The following NVL variants were observed in gnomAD, a reference collection of about 807,000 sequenced individuals.
The protein encoded by NVL is nuclear VCP like.
Under a neutral mutation model 110.2 loss-of-function variants are expected in NVL, and 84 were observed. That is an observed-to-expected ratio of 0.76 (90% CI 0.64 to 0.91). NVL has a LOEUF of 0.91. Ranked by LOEUF, NVL falls within the 40% of genes least tolerant of loss-of-function variation. The pLI is 0.00. For synonymous variants in NVL, 354 were observed against 361.1 expected, an observed-to-expected ratio of 0.98 and a Z score of 0.22; for missense variants, 882 against 1,035.9, an observed-to-expected ratio of 0.85 and a Z score of 2.04.
At chr1:224,246,015 C>A (rs1465562533) in intron 19 of NVL, among the ~76,000 whole-genome samples, 1 of 151,934 alleles carries the variant, frequency 6.6e-6, no homozygotes, top group Non-Finnish European at 1.5e-5. Flanking sequence ...TGTTACCCAC[C>A]CCATTTATGC....
intron 15 of NVL, among the ~76,000 whole-genome samples, chr1:224,283,119 T>C (rs1326274701): frequency 6.6e-6 from 1 of 152,162 alleles, no homozygotes; most frequent in African/African-American, 2.4e-5. Flanking sequence ...CCTGGGCTCA[T>C]AGATTCAGTG....
chr1:224,248,926 C>A (rs2102752413), intron 19 of NVL, among the ~76,000 whole-genome samples: 1 of 152,332 alleles, frequency 6.6e-6, no homozygotes, highest in Non-Finnish European at 1.5e-5. Flanking sequence ...GGGAGTGGGA[C>A]AGCTCCCATG....
intron 8 of NVL, 68 bp downstream of exon 8, chr1:224,304,668 G>C (rs895749546): frequency 2.1e-5 from 28 of 1,323,428 alleles, no homozygotes; most frequent in Middle Eastern, 2.0e-4. Context: ...AAACAAAGAG[G>C]TAGGCTTTTT....
At chr1:224,251,599 C>T (rs886495805) in intron 18 of NVL, among the ~76,000 whole-genome samples, 15 of 152,172 alleles carry the variant, frequency 9.9e-5, no homozygotes, top group African/African-American at 3.1e-4. Flanking sequence ...GAGATCGTGC[C>T]ACTGCACTCC....
chr1:224,320,212 A>T (rs1670504927), intron 2 of NVL, among the ~76,000 whole-genome samples: 1 of 152,220 alleles, frequency 6.6e-6, no homozygotes, highest in Non-Finnish European at 1.5e-5. Flanking sequence ...AATCAAGATT[A>T]CATTTTCTGG....
rs780994203 is a variant in NVL at position 224,308,142 on chromosome 1, G to T, written c.464C>A (p.Ser155Tyr). Residue 155 changes from serine to tyrosine, a missense_variant, in exon 6 of 23, where the codon TCC (serine) becomes TAC (tyrosine). Around this residue, in one of 4 missense-constraint regions of NVL, gnomAD observed 274 missense variants for 268.4 expected, o/e 1.02. Transcript: ENST00000281701. The part of the protein sequence containing the change: ...ETTSSTPRIS[S>Y]KTGSIPLKTP... ...CTTCAAGGGAATGGAGCCTGTTTTG[G>T]AACTTATCCGTGGTGTTGAAGAGGT... 6.2e-7 allele frequency: 1 copy of T among 1,614,076 alleles called. No individual in the cohort carries two copies. Among genetic ancestry groups the T allele is most frequent in the South Asian group, 1.1e-5 (1 of 91,074 alleles).
chr1:224,228,129 A>G (rs1553301184), intron 22 of NVL: 1 of 152,118 alleles, frequency 6.6e-6, no homozygotes, highest in Non-Finnish European at 1.5e-5. Context: ...CTGCATCTAA[A>G]TCCTAATCTA....
At chr1:224,252,941 G>C (rs1307182374) in intron 18 of NVL, among the ~76,000 whole-genome samples, 1 of 152,176 alleles carries the variant, frequency 6.6e-6, no homozygotes, top group Non-Finnish European at 1.5e-5. Flanking sequence ...TTTTATGTAA[G>C]TGGAATTATA....
rs1274084265 is a variant in NVL, at chr1:224,304,795, C to T, written c.766G>A (p.Glu256Lys). The change falls in exon 8 of 23, where the codon GAA (glutamate) becomes AAA (lysine). Residue 256 changes from glutamate (E) to lysine (K), a missense_variant. Transcript: ENST00000281701. ...AACTTCACGTTGGAGATCTGGAATTCTAACCCCCTGGCTTTAGCTGGTAAA... is the reference window on the plus strand; with the variant it reads ...AACTTCACGTTGGAGATCTGGAATTTTAACCCCCTGGCTTTAGCTGGTAAA... ...LQKKAKARGL[E>K]FQISNVKFED... is the part of the protein sequence containing the mutation. 2 of 1,614,058 alleles carry T rather than the reference C, an allele frequency of 1.2e-6. No homozygotes were observed. The highest frequency in any genetic ancestry group is 2.2e-5 in the South Asian group (2 of 91,076).
At chr1:224,322,878 A>C (rs1166874151) in intron 2 of NVL, among the ~76,000 whole-genome samples, 2 of 151,946 alleles carry the variant, frequency 1.3e-5, no homozygotes, top group Non-Finnish European at 2.9e-5. Flanking sequence ...CGCTTGAACC[A>C]GGGAGGCAGA....
rs758058823 is a variant in NVL at position 224,303,824 on chromosome 1, G to T, written c.859C>A (p.Pro287Thr). ...ACGCCCAGGTGGTGGTACACCTCCG[G>T]GTGACGCATGTGTATGAGCATCTTG... Reference protein sequence around the residue: ...VCKMLIHMRHPEVYHHLGVVP... With the variant: ...VCKMLIHMRHTEVYHHLGVVP... The change falls in exon 9 of 23, where the codon CCG (proline) becomes ACG (threonine). Residue 287 changes from proline (P) to threonine (T), a missense_variant. By Grantham distance (38) the Pro-to-Thr change is conservative. Around this residue, in one of 4 missense-constraint regions of NVL, gnomAD observed 416 missense variants for 499.3 expected, o/e 0.83. Coordinates refer to ENST00000281701, the MANE Select transcript of NVL (RefSeq NM_002533.4). The T allele has an allele frequency of 7.4e-6, 12 of 1,613,662 alleles. No individual in the cohort carries two copies. The South Asian group carries it at 1.3e-4, about 18-fold the overall frequency.
chr1:224,271,947 G>A (rs1325299040), intron 17 of NVL, among the ~76,000 whole-genome samples: 1 of 151,868 alleles, frequency 6.6e-6, no homozygotes, highest in African/African-American at 2.4e-5. Flanking sequence ...CCAGGAGGCA[G>A]AGGTTGCAGT....
intron 2 of NVL, among the ~76,000 whole-genome samples, chr1:224,321,471 C>T (rs1040487987): frequency 6.6e-6 from 1 of 152,076 alleles, no homozygotes; most frequent in African/African-American, 2.4e-5. Context: ...AATCCTAACA[C>T]TTTGGGATGC....
chr1:224,282,479 C>G (rs1666459908), intron 15 of NVL, among the ~76,000 whole-genome samples: 1 of 152,204 alleles, frequency 6.6e-6, no homozygotes, highest in African/African-American at 2.4e-5. Flanking sequence ...CATTGATTTA[C>G]AAATGAAAAT....
At chr1:224,233,365 CAT>C (rs766738713) in intron 20 of NVL, 76 bp from the exon 21 acceptor site, 32 of 991,858 alleles carry the variant, frequency 3.2e-5, no homozygotes, top group Non-Finnish European at 4.4e-5. Flanking sequence ...AAACAGTTTT[CAT>C]ATAAGTCATA....
Position 224,250,241 on chromosome 1 carries a change from G to A in NVL, c.2260C>T (p.Arg754Cys), listed in dbSNP as rs778885446. Reference sequence around the variant, plus strand: ...GTGATAGTTTTTAAGATGGCAAGGCGATCTGCAGGGGGCGGTAAACCCACA... The same window carrying A: ...GTGATAGTTTTTAAGATGGCAAGGCAATCTGCAGGGGGCGGTAAACCCACA... ...LFVGLPPPAD[R>C]LAILKTITKN... The change falls in exon 19 of 23, where the codon CGC becomes TGC. Residue 754 changes from arginine (R) to cysteine (C), a missense_variant. Arg to Cys is a radical substitution (Grantham distance 180, BLOSUM62 -3). Coordinates refer to ENST00000281701, the MANE Select transcript of NVL (RefSeq NM_002533.4). 23 of 1,609,552 alleles carry A rather than the reference G, an allele frequency of 1.4e-5. No individual in the cohort carries two copies. Among genetic ancestry groups the A allele is most frequent in the African/African-American group, 4.0e-5 (3 of 74,510 alleles).
At position 224,324,223 on chromosome 1, in the gene NVL, T is replaced by C. The variant is rs113751152; in HGVS notation, c.131+2168A>G. On this transcript the variant is annotated intron_variant, in intron 2 of 22. Transcript: ENST00000281701. ...ATATCTAAACACAGAAAAGGTACAG[T>C]ACAAATATGATGTAATAATCTTATG... Among the ~76,000 whole-genome samples the C allele has an allele frequency of 9.4e-3, 1,425 of 152,264 alleles. 23 individuals are homozygous for C. Among genetic ancestry groups the C allele is most frequent in the African/African-American group, 0.032 (1,334 of 41,546 alleles).
At chr1:224,228,833 G>A (rs995013543) in intron 22 of NVL, among the ~76,000 whole-genome samples, 7 of 148,150 alleles carry the variant, frequency 4.7e-5, no homozygotes, top group African/African-American at 1.5e-4. Context: ...CAGCTACTCG[G>A]GAGGCTGAGG....
At chr1:224,282,914 T>A (rs936187641) in intron 15 of NVL, among the ~76,000 whole-genome samples, 33 of 152,220 alleles carry the variant, frequency 2.2e-4, no homozygotes, top group African/African-American at 6.5e-4. Context: ...TAATTTTATA[T>A]GTATCTCTAG....
Sources: allele counts gnomAD v4.1 joint callset (sites outside exome capture counted in the v4.1 genomes callset), GRCh38; gene constraint gnomAD v4.1.1; regional missense constraint gnomAD v4.1.1; transcripts MANE v1.5; gene names NCBI Gene and HGNC (gene_info 2026-07-23, HGNC 2026-07-21).